Variants in XAGE2 observed in about 807,000 individuals in gnomAD.
XAGE2 encodes G antigen family D member 3.
In XAGE2, 7 loss-of-function variants were observed where a neutral mutation model predicts 9.9. That is an observed-to-expected ratio of 0.71 (90% confidence interval 0.40 to 1.32). The LOEUF (loss-of-function observed/expected upper bound fraction) is 1.32, where lower values mean the gene tolerates loss of function less well. Among genes scored for constraint, XAGE2 ranks in the 40% most tolerant of loss-of-function variants. The pLI, the probability that XAGE2 is intolerant of heterozygous loss-of-function variation, is 0.01. For synonymous variants in XAGE2, 31 were observed against 26.8 expected, an observed-to-expected ratio of 1.16 and a Z score of -0.48; for missense variants, 85 against 81.0, an observed-to-expected ratio of 1.05 and a Z score of -0.19.
chrX:52,371,939 C>T (rs1277900134), intron 3 of XAGE2, among the ~76,000 whole-genome samples: 2 of 111,958 alleles, frequency 1.8e-5, no homozygotes, highest in Non-Finnish European at 3.8e-5. Flanking sequence ...TATTAAAATG[C>T]TATTCATGCA....
chrX:52,370,485 G>A (rs1167148949), intron 2 of XAGE2, 82 bp from the exon 3 acceptor site: 2 of 787,577 alleles, frequency 2.5e-6, no homozygotes, highest in African/African-American at 2.0e-5. Context: ...AAATACCTGT[G>A]TATTCTGTAT....
chrX:52,371,584 A>G (rs1921194206), intron 3 of XAGE2, among the ~76,000 whole-genome samples: 1 of 112,153 alleles, frequency 8.9e-6, no homozygotes, highest in Non-Finnish European at 1.9e-5. Flanking sequence ...TTTTCAAGCT[A>G]AAGTTGACGG....
intron 1 of XAGE2, 136 bp from the exon 2 acceptor site, chrX:52,369,871 C>T (rs1180883726): frequency 1.5e-6 from 1 of 654,565 alleles, no homozygotes; most frequent in East Asian, 3.2e-5. Context: ...GTACACACTT[C>T]TAGTTGCCCT....
At chrX:52,370,477 A>C in intron 2 of XAGE2, 90 bp from the exon 3 acceptor site, 1 of 762,399 alleles carries the variant, frequency 1.3e-6, no homozygotes, top group Non-Finnish European at 2.1e-6. Flanking sequence ...GTGATTAGAA[A>C]TACCTGTGTA....
intron 1 of XAGE2, among the ~76,000 whole-genome samples, chrX:52,369,682 G>T (rs1444488837): frequency 8.9e-6 from 1 of 112,166 alleles, no homozygotes; most frequent in Non-Finnish European, 1.9e-5. Context: ...GACGAAAGCC[G>T]TGGTCACTGC....
chrX:52,372,474 G>A, intron 3 of XAGE2, 70 bp from the exon 4 acceptor site: 1 of 1,164,142 alleles, frequency 8.6e-7, no homozygotes, highest in Non-Finnish European at 1.2e-6. Flanking sequence ...CTGTGGAATA[G>A]AATATTATTA....
chrX:52,370,786 A>C, intron 3 of XAGE2, 114 bp downstream of exon 3: 1 of 730,518 alleles, frequency 1.4e-6, no homozygotes, highest in Non-Finnish European at 2.0e-6. Flanking sequence ...AAGGATCTCA[A>C]GCACTTGCTC....
At chrX:52,374,567 G>A (rs981803640) in intron 4 of XAGE2, among the ~76,000 whole-genome samples, 5,699 of 111,500 alleles carry the variant, frequency 0.051, 176 homozygotes, top group African/African-American at 0.11. Context: ...TAATATTTTC[G>A]GAATATAGAT....
rs1921166368 is a variant in XAGE2 at position 52,370,616 on chromosome X, G to A, written c.131G>A (p.Arg44Gln). ...PKEEKPPTKS[R>Q]NPTPDQKRED... ...GAAGAGAAACCACCCACTAAAAGTCGGAATCCTACACCTGATCAGAAGAGA... is the reference window on the plus strand; with the variant it reads ...GAAGAGAAACCACCCACTAAAAGTCAGAATCCTACACCTGATCAGAAGAGA... Residue 44 changes from arginine to glutamine, a missense_variant, in exon 3 of 5, where the codon CGG (arginine) becomes CAG (glutamine). Coordinates refer to ENST00000286049, the MANE Select transcript of XAGE2 (RefSeq NM_130777.3). 20 of 1,211,379 alleles carry A rather than the reference G, an allele frequency of 1.7e-5. No individual in the cohort carries two copies. In the South Asian group the frequency reaches 2.1e-4, roughly 13 times the overall value.
chrX:52,370,079 T>C lies in XAGE2; in HGVS notation c.65T>C (p.Leu22Pro), dbSNP rs1921153161. ...AGAAGAAGTTTACAGCCTCCTGAGCTGATTGGGGCTATGCTTGTGAGTGCT... is the reference window on the plus strand; with the variant it reads ...AGAAGAAGTTTACAGCCTCCTGAGCCGATTGGGGCTATGCTTGTGAGTGCT... The part of the protein sequence containing the change: ...RPRRSLQPPE[L>P]IGAMLEPTDE... Residue 22 changes from leucine to proline, a missense_variant, in exon 2 of 5, where the codon CTG becomes CCG. Physicochemically the swap from Leu to Pro is moderately conservative, Grantham distance 98. Transcript: ENST00000286049. The C allele has an allele frequency of 3.3e-6, 4 of 1,210,657 alleles. No homozygotes were observed. Among genetic ancestry groups the C allele is most frequent in the Non-Finnish European group, 3.4e-6 (3 of 895,162 alleles).
chrX:52,372,551 C>A lies in XAGE2; in HGVS notation c.195C>A (p.Asp65Glu). The change falls in exon 4 of 5, where the codon GAC becomes GAA. Residue 65 changes from aspartate (D) to glutamate (E), a missense_variant. Transcript: ENST00000286049. ...AACCTTTGTATTTTTTAGTGCCTGA[C>A]CTGGAAGCCGATCTCCAGGAGCTAT... ...DQGAAEIQVP[D>E]LEADLQELCQ... 1 of 1,210,619 alleles carries A rather than the reference C, an allele frequency of 8.3e-7. No individual in the cohort carries two copies. The highest frequency in any genetic ancestry group is 1.1e-6 in the Non-Finnish European group (1 of 895,017).
intron 4 of XAGE2, among the ~76,000 whole-genome samples, chrX:52,374,194 A>G (rs1921260146): frequency 8.9e-6 from 1 of 112,138 alleles, no homozygotes; most frequent in African/African-American, 3.2e-5. Context: ...AGACACAGAT[A>G]TTGAATATGT....
chrX:52,370,604 CCA>C lies in XAGE2; in HGVS notation c.121_122del (p.Thr41Ter). The C allele has an allele frequency of 8.3e-7, 1 of 1,211,398 alleles. No individual in the cohort carries two copies. Among genetic ancestry groups the C allele is most frequent in the Non-Finnish European group, 1.1e-6 (1 of 895,327 alleles). On this transcript the variant is annotated frameshift_variant, in exon 3 of 5. Transcript: ENST00000286049. LOFTEE classifies it high-confidence loss of function. ...GAAGAGCCTAAAGAAGAGAAACCAC[CCA>C]CTAAAAGTCGGAATCCTACACCTGA...
chrX:52,372,542 A>C lies in XAGE2; in HGVS notation c.188-2A>C, dbSNP rs1280112657. On this transcript the variant is annotated splice_acceptor_variant, in intron 3 of 4. Coordinates refer to ENST00000286049, the MANE Select transcript of XAGE2 (RefSeq NM_130777.3). LOFTEE classifies it high-confidence loss of function. ...AAGTTCAATAACCTTTGTATTTTTT[A>C]GTGCCTGACCTGGAAGCCGATCTCC... 8.3e-7 allele frequency: 1 copy of C among 1,208,666 alleles called. No homozygotes were observed. Among genetic ancestry groups the C allele is most frequent in the African/African-American group, 1.8e-5 (1 of 56,943 alleles).
At chrX:52,375,525 A>T (rs1921293428) in intron 4 of XAGE2, 44 bp from the exon 5 acceptor site, 1 of 1,189,964 alleles carries the variant, frequency 8.4e-7, no homozygotes, top group Admixed American at 2.2e-5. Context: ...TGATCTAAAT[A>T]CAGTTCTGCT....
chrX:52,372,545 G>A lies in XAGE2; in HGVS notation c.189G>A (p.Val63=). 1.7e-6 allele frequency: 2 copies of A among 1,210,028 alleles called. No homozygotes were observed. Among genetic ancestry groups the A allele is most frequent in the Non-Finnish European group, 2.2e-6 (2 of 894,808 alleles). The part of the protein sequence containing the change: ...EDDQGAAEIQ[V]PDLEADLQEL... ...TTCAATAACCTTTGTATTTTTTAGT[G>A]CCTGACCTGGAAGCCGATCTCCAGG... The change falls in exon 4 of 5, where the codon GTG becomes GTA. Residue 63 remains valine (V), a splice_region_variant and synonymous_variant. Coordinates refer to ENST00000286049, the MANE Select transcript of XAGE2 (RefSeq NM_130777.3).
intron 3 of XAGE2, among the ~76,000 whole-genome samples, chrX:52,371,936 A>G (rs1484837633): frequency 8.9e-6 from 1 of 112,212 alleles, no homozygotes; most frequent in East Asian, 2.8e-4. Context: ...TATTATTAAA[A>G]TGCTATTCAT....
chrX:52,374,318 C>T (rs1921261998), intron 4 of XAGE2, among the ~76,000 whole-genome samples: 1 of 111,835 alleles, frequency 8.9e-6, no homozygotes, highest in South Asian at 3.8e-4. Context: ...CTGACTGCAA[C>T]CTCCACTTCC....
At chrX:52,371,161 C>G (rs944508240) in intron 3 of XAGE2, among the ~76,000 whole-genome samples, 1 of 111,856 alleles carries the variant, frequency 8.9e-6, no homozygotes, top group Non-Finnish European at 1.9e-5. Flanking sequence ...AGAGGCTTAC[C>G]AAGAACGCTT....
Sources: gnomAD v4.1 joint callset for allele counts (sites outside exome capture counted in the v4.1 genomes callset) on GRCh38, gnomAD v4.1.1 for gene constraint, MANE v1.5 for transcripts, NCBI Gene and HGNC (gene_info 2026-07-23, HGNC 2026-07-21) for gene names.